The following YIF1A variants were observed in gnomAD, a reference collection of about 807,000 sequenced individuals.
The protein encoded by YIF1A is Yip1 interacting factor homolog A, membrane trafficking protein, also known as protein YIF1A.
YIF1A carries 28 observed loss-of-function variants against 32.6 expected under a neutral mutation model. The ratio of observed to expected loss-of-function variants is 0.86; its 90% CI spans 0.64 to 1.18. The LOEUF is 1.18. Ranked by LOEUF, YIF1A falls within the 50% of genes most tolerant of loss-of-function variation. The pLI is 0.00. For missense variants in YIF1A, 373 were observed against 390.8 expected (o/e 0.95, Z 0.38); for synonymous variants, 175 against 162.2 (o/e 1.08, Z -0.60).
rs763611495 is a variant in YIF1A, at chr11:66,285,400, T to C, written c.622A>G (p.Ser208Gly). The C allele has an allele frequency of 3.1e-6, 5 of 1,613,332 alleles. No individual in the cohort carries two copies. In the South Asian group the frequency reaches 3.3e-5, roughly 11 times the overall value. The change falls in exon 6 of 8, where the codon AGT becomes GGT. Residue 208 changes from serine to glycine, a missense_variant. By Grantham distance (56) the Ser-to-Gly change is moderately conservative. Coordinates refer to ENST00000376901, the MANE Select transcript of YIF1A (RefSeq NM_020470.3). ...DLSTFHLLAYSGYKYVGMILS... is the reference protein window; with the variant it reads ...DLSTFHLLAYGGYKYVGMILS... Reference sequence around the variant, plus strand: ...GCTCACCCCACGTATTTGTAGCCACTGTAGGCCAGCAGGTGAAAGGTGCTC... The same window carrying C: ...GCTCACCCCACGTATTTGTAGCCACCGTAGGCCAGCAGGTGAAAGGTGCTC...
intron 4 of YIF1A, among the ~76,000 whole-genome samples, chr11:66,286,046 T>C (rs949585379): frequency 6.6e-6 from 1 of 152,232 alleles, no homozygotes; most frequent in South Asian, 2.1e-4. Flanking sequence ...AACTGTATCA[T>C]GGGCCAAGGC....
At chr11:66,285,116 G>A in intron 6 of YIF1A, 150 bp from the exon 7 acceptor site, 6 of 909,408 alleles carry the variant, frequency 6.6e-6, no homozygotes, top group Non-Finnish European at 9.9e-6. Flanking sequence ...GACCCCAAAG[G>A]GATATGGAAG....
rs777115400 is a variant in YIF1A at position 66,287,510 on chromosome 11, C to G, written c.427+88G>C. On this transcript the variant is annotated intron_variant, in intron 4 of 7. Coordinates refer to ENST00000376901, the MANE Select transcript of YIF1A (RefSeq NM_020470.3). ...CCAAGAACAGATGCTGACTCAGTAGCTGCGCCTCTCTTCCCATTCATCCCT... is the reference window on the plus strand; with the variant it reads ...CCAAGAACAGATGCTGACTCAGTAGGTGCGCCTCTCTTCCCATTCATCCCT... 9.2e-6 allele frequency: 13 copies of G among 1,406,044 alleles called. No homozygotes were observed. In the South Asian group the frequency reaches 1.6e-4, roughly 17 times the overall value. The allele number at this position is 1,406,044 out of a possible 1,614,324, so 87.1% of individuals were successfully genotyped here.
At chr11:66,287,746 G>C in intron 3 of YIF1A, 66 bp downstream of exon 3, 1 of 1,608,958 alleles carries the variant, frequency 6.2e-7, no homozygotes, top group Non-Finnish European at 8.5e-7. Context: ...GAAGGGGGTT[G>C]AGGTCTGGGG....
At chr11:66,285,303 G>A in intron 6 of YIF1A, 78 bp downstream of exon 6, 2 of 1,559,040 alleles carry the variant, frequency 1.3e-6, no homozygotes, top group African/African-American at 1.4e-5. Context: ...GCCGAGACAT[G>A]TCCAGGGTCA....
chr11:66,286,195 C>T (rs1027009115), intron 4 of YIF1A, among the ~76,000 whole-genome samples: 1 of 152,234 alleles, frequency 6.6e-6, no homozygotes, highest in East Asian at 1.9e-4. Flanking sequence ...TCAGCACTGG[C>T]TAGGGCTCTG....
chr11:66,287,554 CGA>C (rs2134889328), intron 4 of YIF1A, 42 bp downstream of exon 4: 219 of 1,560,184 alleles, frequency 1.4e-4, no homozygotes, highest in Non-Finnish European at 1.7e-4. Flanking sequence ...AAGTCCCCCC[CGA>C]CCCCACCCCA....
Position 66,284,672 on chromosome 11 carries a change from T to A in YIF1A, c.847A>T (p.Ile283Phe). ...TLGAAAFQPL[I>F]IYWLTFHLVR ...AGGTGGAAAGTCAGCCAGTATATGA[T>A]GAGGGGCTGGAAGGCTGCAGCTCCC... is the stretch of plus-strand genomic sequence containing the variant. Residue 283 changes from isoleucine (I) to phenylalanine (F), a missense_variant, in exon 8 of 8, where the codon ATC (isoleucine) becomes TTC (phenylalanine). Ile to Phe is a conservative substitution (Grantham distance 21). Coordinates refer to ENST00000376901, the MANE Select transcript of YIF1A (RefSeq NM_020470.3). The A allele has an allele frequency of 6.2e-7, 1 of 1,612,758 alleles. No homozygotes were observed. The highest frequency in any genetic ancestry group is 8.5e-7 in the Non-Finnish European group (1 of 1,179,936).
Position 66,288,078 on chromosome 11 carries a change from C to T in YIF1A, c.243+3G>A. The T allele has an allele frequency of 1.2e-6, 2 of 1,613,046 alleles. No individual in the cohort carries two copies. Among genetic ancestry groups the T allele is most frequent in the Non-Finnish European group, 1.7e-6 (2 of 1,179,836 alleles). ...CCACCCGTGCCCCGGGGGCAGGCCA[C>T]ACCTCCTTGTGCACCATGTCCTTCC... On this transcript the variant is annotated splice_donor_region_variant and intron_variant, in intron 2 of 7. Transcript: ENST00000376901.
chr11:66,284,805 G>A lies in YIF1A; in HGVS notation c.736-22C>T, dbSNP rs1052947543. ...GCACCTGGAAGAAAGGAGAACTGAAGCCTGGCCAGGAGGGGGAGGTTTGCC... is the reference window on the plus strand; with the variant it reads ...GCACCTGGAAGAAAGGAGAACTGAAACCTGGCCAGGAGGGGGAGGTTTGCC... On this transcript the variant is annotated intron_variant, in intron 7 of 7. Coordinates refer to ENST00000376901, the MANE Select transcript of YIF1A (RefSeq NM_020470.3). The A allele has an allele frequency of 4.3e-6, 7 of 1,611,410 alleles. No homozygotes were observed. The African/African-American group carries it at 9.4e-5, about 22-fold the overall frequency.
chr11:66,287,949 C>A (rs894854504), intron 2 of YIF1A, 33 bp from the exon 3 acceptor site: 1 of 1,609,102 alleles, frequency 6.2e-7, no homozygotes. Flanking sequence ...GTGGGCAAGC[C>A]GCACCCCAGG....
At position 66,284,730 on chromosome 11, in the gene YIF1A, G is replaced by A. The variant is rs756995950; in HGVS notation, c.789C>T (p.Val263=). The A allele has an allele frequency of 1.9e-6, 3 of 1,612,296 alleles. No individual in the cohort carries two copies. Among genetic ancestry groups the A allele is most frequent in the Non-Finnish European group, 2.5e-6 (3 of 1,179,722 alleles). ...ALGPDSMGGP[V]PRQRLQLYLT... is the part of the protein sequence containing the mutation. ...GGTAGAGCTGGAGACGCTGCCGGGG[G>A]ACGGGGCCCCCCATGCTGTCGGGGC... The change falls in exon 8 of 8, where the codon GTC becomes GTT. Residue 263 remains valine (V), a synonymous_variant. Coordinates refer to ENST00000376901, the MANE Select transcript of YIF1A (RefSeq NM_020470.3).
chr11:66,288,438 CTG>C (rs1252546128), intron 1 of YIF1A, 146 bp from the exon 2 acceptor site: 6 of 885,122 alleles, frequency 6.8e-6, no homozygotes, highest in Non-Finnish European at 8.6e-6. Context: ...GGGGAGCTAA[CTG>C]AGAAAAAACT....
At chr11:66,285,246 G>A (rs1274928884) in intron 6 of YIF1A, 135 bp downstream of exon 6, 1 of 1,337,748 alleles carries the variant, frequency 7.5e-7, no homozygotes, top group Admixed American at 2.2e-5. Context: ...GAGACTGCTG[G>A]AGACAGCTGC....
In YIF1A at chr11:66,287,168, C is replaced by T. The variant is rs542853685; in HGVS notation, c.427+430G>A. On this transcript the variant is annotated intron_variant, in intron 4 of 7. Coordinates refer to ENST00000376901, the MANE Select transcript of YIF1A (RefSeq NM_020470.3). ...TGATAAGAGTTAATGTTTCCTACGT[C>T]CTTCCTGTGTGCCAGGTGAGGTGCT... 2.6e-3 allele frequency: 481 copies of T among 183,518 alleles called. 1 individual carries two copies. The highest frequency in any genetic ancestry group is 4.4e-3 in the Non-Finnish European group (371 of 85,104). 11.4% of individuals were successfully genotyped at this position (183,518 alleles called of 1,614,324 possible).
intron 1 of YIF1A, among the ~76,000 whole-genome samples, chr11:66,288,727 TGGA>T (rs1857403585): frequency 6.6e-6 from 1 of 152,210 alleles, no homozygotes; most frequent in Non-Finnish European, 1.5e-5. Context: ...AAGGAGTTTC[TGGA>T]GGAGGAGGCG....
At chr11:66,285,119 T>G in intron 6 of YIF1A, 153 bp from the exon 7 acceptor site, 1 of 905,488 alleles carries the variant, frequency 1.1e-6, no homozygotes, top group Non-Finnish European at 1.7e-6. Context: ...CCCAAAGGGA[T>G]ATGGAAGGCC....
At chr11:66,288,838 G>A in intron 1 of YIF1A, 117 bp downstream of exon 1, 3 of 1,203,758 alleles carry the variant, frequency 2.5e-6, no homozygotes, top group Admixed American at 7.3e-5. Context: ...GCAGGAACCC[G>A]AGTGACACCC....
rs1424403416 is a variant in YIF1A at position 66,287,933 on chromosome 11, G to A, written c.244-17C>T. 1.2e-6 allele frequency: 2 copies of A among 1,611,810 alleles called. No individual in the cohort carries two copies. Among genetic ancestry groups the A allele is most frequent in the Admixed American group, 1.7e-5 (1 of 60,028 alleles). ...ACGGTGCAGCTGGGAGGGGAGAGAG[G>A]AAGCTGTGGGCAAGCCGCACCCCAG... On this transcript the variant is annotated splice_polypyrimidine_tract_variant and intron_variant, in intron 2 of 7. Coordinates refer to ENST00000376901, the MANE Select transcript of YIF1A (RefSeq NM_020470.3).
Sources: allele counts gnomAD v4.1 joint callset (sites outside exome capture counted in the v4.1 genomes callset), GRCh38; gene constraint gnomAD v4.1.1; transcripts MANE v1.5; gene names NCBI Gene and HGNC (gene_info 2026-07-23, HGNC 2026-07-21).